RBFOX1: variants seen among roughly 807,000 people sequenced by gnomAD.
The protein encoded by RBFOX1 is RNA binding fox-1 homolog 1.
In RBFOX1, 8 loss-of-function variants were observed where a neutral mutation model predicts 57.7. The ratio of observed to expected loss-of-function variants is 0.14; its 90% confidence interval spans 0.08 to 0.25. The LOEUF (loss-of-function observed/expected upper bound fraction) is 0.25, where lower values mean the gene tolerates loss of function less well. RBFOX1 is among the 10% of genes least tolerant of loss of function. The pLI is 1.00. For synonymous variants in RBFOX1, 326 were observed against 222.4 expected (o/e 1.47, Z -4.15); for missense variants, 611 against 548.5 (o/e 1.11, Z -1.14).
intron 2 of RBFOX1, among the ~76,000 whole-genome samples, chr16:6,508,616 G>A (rs1462038742): frequency 6.6e-6 from 1 of 152,038 alleles, no homozygotes; most frequent in Non-Finnish European, 1.5e-5. Flanking sequence ...TCCTATTGCT[G>A]TTTCTTCTTT....
chr16:6,163,560 G>T (rs2096894759), intron 1 of RBFOX1, among the ~76,000 whole-genome samples: 1 of 152,134 alleles, frequency 6.6e-6, no homozygotes, highest in African/African-American at 2.4e-5. Flanking sequence ...GTTGTTCATT[G>T]ACAGTGGGAT....
chr16:5,917,471 C>G (rs1178709736), intron 4 of RBFOX1, among the ~76,000 whole-genome samples: 2 of 152,186 alleles, frequency 1.3e-5, no homozygotes, highest in Non-Finnish European at 1.5e-5. Context: ...TCAAGATAAT[C>G]TGTCGGATCG....
At chr16:7,398,524 C>G (rs542044749) in intron 4 of RBFOX1, among the ~76,000 whole-genome samples, 8 of 152,336 alleles carry the variant, frequency 5.3e-5, no homozygotes, top group Non-Finnish European at 1.5e-5. Context: ...GAAAACAGAA[C>G]AGATCTTGCA....
chr16:6,296,487 C>G (rs1204856962), intron 1 of RBFOX1, among the ~76,000 whole-genome samples: 2 of 150,456 alleles, frequency 1.3e-5, no homozygotes, highest in South Asian at 2.1e-4. Flanking sequence ...ATGGCGGGAT[C>G]TCGGCTCACT....
intron 4 of RBFOX1, among the ~76,000 whole-genome samples, chr16:7,352,717 A>G (rs1246286651): frequency 6.6e-6 from 1 of 151,866 alleles, no homozygotes; most frequent in Non-Finnish European, 1.5e-5. Context: ...TGAGCAAATT[A>G]TTATTATTAT....
intron 2 of RBFOX1, among the ~76,000 whole-genome samples, chr16:6,603,033 T>C (rs2097874524): frequency 6.6e-6 from 1 of 152,196 alleles, no homozygotes; most frequent in African/African-American, 2.4e-5. Context: ...TTTATTTCAG[T>C]AAGTATTTAC....
At chr16:6,047,511 A>G (rs1477237598) in intron 1 of RBFOX1, among the ~76,000 whole-genome samples, 1 of 152,220 alleles carries the variant, frequency 6.6e-6, no homozygotes, top group Non-Finnish European at 1.5e-5. Context: ...TTGGGTGATG[A>G]GCATGCAATG....
intron 1 of RBFOX1, among the ~76,000 whole-genome samples, chr16:5,307,824 C>A (rs1053722449): frequency 2.6e-5 from 4 of 152,096 alleles, no homozygotes; most frequent in Non-Finnish European, 4.4e-5. Context: ...CAGGCATGCA[C>A]CACCATGCCC....
chr16:7,484,610 C>T (rs1255533245), intron 4 of RBFOX1, among the ~76,000 whole-genome samples: 3 of 152,098 alleles, frequency 2.0e-5, no homozygotes, highest in African/African-American at 7.2e-5. Flanking sequence ...CTACAGGCGC[C>T]CACTACCAGA....
intron 2 of RBFOX1, among the ~76,000 whole-genome samples, chr16:6,350,516 A>C (rs2086179259): frequency 6.9e-6 from 1 of 144,888 alleles, no homozygotes; most frequent in African/African-American, 2.5e-5. Flanking sequence ...TCTCTAGAAT[A>C]TACTTCCCAA....
At chr16:6,960,466 G>A (rs138544586) in intron 3 of RBFOX1, among the ~76,000 whole-genome samples, 8 of 152,126 alleles carry the variant, frequency 5.3e-5, no homozygotes, top group Non-Finnish European at 8.8e-5. Flanking sequence ...CCCAGTTCTC[G>A]TGTATGTTGT....
chr16:5,823,498 A>G (rs1289565086), intron 3 of RBFOX1, among the ~76,000 whole-genome samples: 1 of 152,162 alleles, frequency 6.6e-6, no homozygotes, highest in African/African-American at 2.4e-5. Flanking sequence ...GGGGTCCCCA[A>G]ACCCCAGGCC....
At chr16:6,522,271 A>G (rs2096516620) in intron 2 of RBFOX1, among the ~76,000 whole-genome samples, 1 of 151,924 alleles carries the variant, frequency 6.6e-6, no homozygotes, top group Non-Finnish European at 1.5e-5. Context: ...AAGAGATCAT[A>G]AAGCACAATG....
At chr16:5,424,880 TTTCTTTCTTTCTTTCTTTC>T (rs2067476046) in intron 1 of RBFOX1, among the ~76,000 whole-genome samples, 1 of 12,336 alleles carries the variant, frequency 8.1e-5, no homozygotes, top group African/African-American at 2.6e-4. Flanking sequence ...CTTTTTTTTC[TTTCTTTCTTTCTTTCTTTC>T]TTTCTTTCTT....
At position 6,583,713 on chromosome 16, in the gene RBFOX1, T is replaced by C. The variant is rs1019848334; in HGVS notation, c.-63-70890T>C. Among the ~76,000 whole-genome samples, 7 of 152,220 alleles carry C rather than the reference T, an allele frequency of 4.6e-5. No individual in the cohort carries two copies. In the East Asian group the frequency reaches 1.3e-3, roughly 29 times the overall value. ...GGCTCAGAAAACTGAACTGAAGTAG[T>C]AACTTTTAATAGGTCAATTACATTA... On this transcript the variant is annotated intron_variant, in intron 2 of 15. Coordinates refer to ENST00000550418, the MANE Select transcript of RBFOX1 (RefSeq NM_018723.4).
intron 4 of RBFOX1, among the ~76,000 whole-genome samples, chr16:7,055,254 T>G (rs1234104427): frequency 6.6e-6 from 1 of 152,184 alleles, no homozygotes; most frequent in Non-Finnish European, 1.5e-5. Flanking sequence ...ACGCAACACT[T>G]TTGTTTATAG....
intron 3 of RBFOX1, among the ~76,000 whole-genome samples, chr16:6,739,818 A>G (rs1336420795): frequency 6.6e-6 from 1 of 152,124 alleles, no homozygotes; most frequent in South Asian, 2.1e-4. Context: ...CAGAGGTTGC[A>G]GTGAGCCAAG....
At chr16:6,915,291 C>T (rs1234465090) in intron 3 of RBFOX1, among the ~76,000 whole-genome samples, 2 of 152,106 alleles carry the variant, frequency 1.3e-5, no homozygotes, top group African/African-American at 2.4e-5. Flanking sequence ...GGATTGTTTC[C>T]ATTCTCTGTG....
At chr16:7,202,098 TCAA>T (rs553351504) in intron 4 of RBFOX1, among the ~76,000 whole-genome samples, 3 of 151,928 alleles carry the variant, frequency 2.0e-5, no homozygotes, top group South Asian at 2.1e-4. Context: ...TATGGGTTAC[TCAA>T]CAACAACAAC....
Sources: gnomAD v4.1 joint callset for allele counts (sites outside exome capture counted in the v4.1 genomes callset) on GRCh38, gnomAD v4.1.1 for gene constraint, MANE v1.5 for transcripts, NCBI Gene and HGNC (gene_info 2026-07-23, HGNC 2026-07-21) for gene names.